BRWD1: variants seen among roughly 807,000 people sequenced by gnomAD.
BRWD1 encodes bromodomain and WD repeat-containing protein 1.
In BRWD1, 82 loss-of-function variants were observed where a neutral mutation model predicts 251.2. The observed-to-expected ratio is 0.33, with a 90% CI of 0.27 to 0.39. BRWD1 has a LOEUF of 0.39. BRWD1 is among the 10% of genes least tolerant of loss of function. The pLI is 1.00. For synonymous variants in BRWD1, 918 were observed against 902.8 expected, an observed-to-expected ratio of 1.02 and a Z score of -0.30; for missense variants, 2,233 against 2,711.6, an observed-to-expected ratio of 0.82 and a Z score of 3.92.
chr21:39,300,289 G>T (rs1001781310), intron 4 of BRWD1, among the ~76,000 whole-genome samples: 1 of 152,210 alleles, frequency 6.6e-6, no homozygotes, highest in African/African-American at 2.4e-5. Context: ...TAGGACAACA[G>T]GGTGGAGAAT....
At position 39,298,358 on chromosome 21, in the gene BRWD1, CTTACA is replaced by C. The variant is rs1341586212; in HGVS notation, c.349+69_349+73del. ...ACATTATCACCTTTCTTCCACAATG[CTTACA>C]TTACTTCACAATTATAATAATTATT... On this transcript the variant is annotated intron_variant, in intron 5 of 40. Transcript: ENST00000342449. 8 of 1,426,752 alleles carry C rather than the reference CTTACA, an allele frequency of 5.6e-6. No homozygotes were observed. The South Asian group carries it at 9.0e-5, about 16-fold the overall frequency. 88.4% of individuals were successfully genotyped at this position (1,426,752 alleles called of 1,614,324 possible). A position where few individuals can be genotyped will look rare whatever the true frequency, so the allele number is the denominator to read the frequency against.
chr21:39,229,092 A>T (rs2033502741), intron 26 of BRWD1, among the ~76,000 whole-genome samples: 1 of 152,104 alleles, frequency 6.6e-6, no homozygotes, highest in Non-Finnish European at 1.5e-5. Context: ...AAACCATATA[A>T]AACAGACTGC....
upstream of BRWD1, among the ~76,000 whole-genome samples, chr21:39,316,277 A>G (rs999901319): frequency 2.6e-5 from 4 of 152,192 alleles, no homozygotes; most frequent in Non-Finnish European, 5.9e-5. Flanking sequence ...AACCACAAAA[A>G]TCTCGTTTGG....
intron 13 of BRWD1, among the ~76,000 whole-genome samples, chr21:39,272,463 C>A (rs1293593965): frequency 1.3e-5 from 2 of 151,474 alleles, no homozygotes; most frequent in African/African-American, 2.4e-5. Flanking sequence ...GGAGGCAGGG[C>A]TTGCAGTGAG....
At position 39,277,286 on chromosome 21, in the gene BRWD1, C is replaced by G; in HGVS notation, c.1069G>C (p.Ala357Pro). The G allele has an allele frequency of 6.2e-7, 1 of 1,610,988 alleles. No homozygotes were observed. The highest frequency in any genetic ancestry group is 1.3e-5 in the African/African-American group (1 of 74,904). ...TCAAGTTCTGCGATTTTTTCGGGTGCTTCAAAACCCAAAAAATACATTCTG... is the reference window on the plus strand; with the variant it reads ...TCAAGTTCTGCGATTTTTTCGGGTGGTTCAAAACCCAAAAAATACATTCTG... ...VIRMYFLGFE[A>P]PEKIAELESH... The change falls in exon 11 of 41, where the codon GCA becomes CCA. Residue 357 changes from alanine to proline, a missense_variant. By Grantham distance (27) the Ala-to-Pro change is conservative. Transcript: ENST00000342449.
intron 8 of BRWD1, among the ~76,000 whole-genome samples, chr21:39,290,300 T>G (rs1233974622): frequency 1.3e-5 from 2 of 151,630 alleles, no homozygotes; most frequent in African/African-American, 4.8e-5. Flanking sequence ...CAATCCTGGC[T>G]AACACAGTGA....
At chr21:39,217,028 TA>T (rs2032936605) in intron 31 of BRWD1, 2 of 20,136 alleles carry the variant, frequency 9.9e-5, no homozygotes, top group Non-Finnish European at 2.0e-4. Flanking sequence ...TATATATATA[TA>T]TATATAAATA....
In BRWD1 at chr21:39,312,953, CGGGGGGCG is replaced by C. The variant is rs1568986109; in HGVS notation, c.139-61_139-54del. The C allele has an allele frequency of 3.7e-5, 9 of 245,550 alleles. 2 individuals carry two copies. Among genetic ancestry groups the C allele is most frequent in the African/African-American group, 1.4e-4 (1 of 6,918 alleles). The allele number at this position is 245,550 out of a possible 1,614,324, so 15.2% of individuals were successfully genotyped here. A position where few individuals can be genotyped will look rare whatever the true frequency, so the allele number is the denominator to read the frequency against. On this transcript the variant is annotated intron_variant, in intron 3 of 40. Transcript: ENST00000342449. ...GACCACCCCTCCGGCGCGGGGGGGGCGGGGGGCGGGGGGCCGGGGGCGGGCGGCGGGCG... is the reference window on the plus strand; with the variant it reads ...GACCACCCCTCCGGCGCGGGGGGGGCGGGGGCCGGGGGCGGGCGGCGGGCG...
In BRWD1 at chr21:39,208,473, A is replaced by G. The variant is rs190391363; in HGVS notation, c.4197+1522T>C. Among the ~76,000 whole-genome samples the G allele has an allele frequency of 3.9e-5, 6 of 152,378 alleles. No homozygotes were observed. In the East Asian group the frequency reaches 5.8e-4, roughly 15 times the overall value. ...CAGGGAAATGCAGTTAAAGCAAAAC[A>G]GTTAAATGTCACTGATTGTAGACAC... On this transcript the variant is annotated intron_variant, in intron 36 of 40. Coordinates refer to ENST00000342449, the MANE Select transcript of BRWD1 (RefSeq NM_033656.4).
rs2034862115 is a variant in BRWD1, at chr21:39,264,596, A to G, written c.1749T>C (p.Ala583=). 2 of 1,613,524 alleles carry G rather than the reference A, an allele frequency of 1.2e-6. No homozygotes were observed. The highest frequency in any genetic ancestry group is 1.7e-5 in the Admixed American group (1 of 59,950). ...NYVLDEQTQQ[A]PHLMPPPFLV... is the part of the protein sequence containing the mutation. ...AGAATGGTGGAGGCATAAGATGAGG[A>G]GCCTGCTGAGTTTGCTCATCTAAGA... The change falls in exon 17 of 41, where the codon GCT becomes GCC. Residue 583 remains alanine, a synonymous_variant. Coordinates refer to ENST00000342449, the MANE Select transcript of BRWD1 (RefSeq NM_033656.4).
intron 21 of BRWD1, among the ~76,000 whole-genome samples, chr21:39,243,447 C>T (rs1340181934): frequency 6.6e-6 from 1 of 152,062 alleles, no homozygotes; most frequent in African/African-American, 2.4e-5. Flanking sequence ...TTTATTGCCT[C>T]ATTTTTTGTT....
chr21:39,244,074 CT>C (rs200461887), intron 21 of BRWD1, among the ~76,000 whole-genome samples: 3 of 149,540 alleles, frequency 2.0e-5, no homozygotes, highest in East Asian at 3.9e-4. Flanking sequence ...ATGCTGCTAA[CT>C]TTTTTTTTTC....
intron 40 of BRWD1, among the ~76,000 whole-genome samples, chr21:39,198,199 C>T (rs1457137666): frequency 2.6e-5 from 4 of 152,138 alleles, no homozygotes; most frequent in African/African-American, 9.7e-5. Context: ...CTTAATTCAA[C>T]AAGTTATTTC....
At chr21:39,217,035 A>AT (rs2032944676) in intron 31 of BRWD1, 4 of 21,362 alleles carry the variant, frequency 1.9e-4, no homozygotes, top group East Asian at 7.4e-4. Context: ...ATATATATAT[A>AT]AATATATATA....
intron 28 of BRWD1, among the ~76,000 whole-genome samples, chr21:39,224,874 C>T (rs770223052): frequency 6.6e-6 from 1 of 152,012 alleles, no homozygotes; most frequent in Non-Finnish European, 1.5e-5. Context: ...AGAAATAGTT[C>T]CAGGAAAGCA....
intron 15 of BRWD1, among the ~76,000 whole-genome samples, chr21:39,265,318 A>C (rs1330679235): frequency 6.6e-6 from 1 of 152,126 alleles, no homozygotes; most frequent in Non-Finnish European, 1.5e-5. Context: ...CCAGCTACTC[A>C]GGAAGCTGAG....
At chr21:39,272,391 G>C (rs2035145219) in intron 13 of BRWD1, among the ~76,000 whole-genome samples, 1 of 151,246 alleles carries the variant, frequency 6.6e-6, no homozygotes, top group African/African-American at 2.4e-5. Context: ...AGCCGGGCAT[G>C]TGGCGGGCGC....
chr21:39,305,477 A>G (rs2036256663), intron 4 of BRWD1, among the ~76,000 whole-genome samples: 1 of 152,188 alleles, frequency 6.6e-6, no homozygotes, highest in Admixed American at 6.5e-5. Flanking sequence ...CTGTAATCCC[A>G]GCACTTTGGG....
In BRWD1 at chr21:39,276,220, G is replaced by C. The variant is rs771564732; in HGVS notation, c.1105-7C>G. ...GGATACTATCTACTTTATCCTAAAG[G>C]GGGGAAAAGGACAAATACAAAAATG... On this transcript the variant is annotated splice_region_variant and splice_polypyrimidine_tract_variant and intron_variant, in intron 11 of 40. Transcript: ENST00000342449. The C allele has an allele frequency of 2.1e-5, 34 of 1,593,192 alleles. No homozygotes were observed. The highest frequency in any genetic ancestry group is 2.7e-5 in the Non-Finnish European group (31 of 1,166,882).
Sources: gnomAD v4.1 joint callset for allele counts (sites outside exome capture counted in the v4.1 genomes callset) on GRCh38, gnomAD v4.1.1 for gene constraint, MANE v1.5 for transcripts, NCBI Gene and HGNC (gene_info 2026-07-23, HGNC 2026-07-21) for gene names.